Variants in FMN2 observed in about 807,000 individuals in gnomAD.
FMN2 encodes formin 2.
FMN2 carries 51 observed loss-of-function variants against 142.3 expected under a neutral mutation model. That is an observed-to-expected ratio of 0.36 (90% CI 0.29 to 0.45). The LOEUF is 0.45. Among genes scored for constraint, FMN2 ranks in the 20% least tolerant of loss-of-function variants. The pLI, the probability that FMN2 is intolerant of heterozygous loss-of-function variation, is 1.00. For missense variants in FMN2, 1,936 were observed against 2,122.8 expected (o/e 0.91, Z 1.73); for synonymous variants, 882 against 869.8 (o/e 1.01, Z -0.25).
chr1:240,345,167 T>TCTGATGAA (rs1671867739), intron 13 of FMN2, among the ~76,000 whole-genome samples: 1 of 152,208 alleles, frequency 6.6e-6, no homozygotes, highest in Admixed American at 6.5e-5. Context: ...AGCAAGGCTG[T>TCTGATGAA]CTGATGAACT....
intron 2 of FMN2, among the ~76,000 whole-genome samples, chr1:240,130,312 A>G (rs1262391868): frequency 1.3e-5 from 2 of 151,826 alleles, no homozygotes; most frequent in African/African-American, 4.8e-5. Flanking sequence ...TTATTTATTT[A>G]TTTATTTTGA....
At chr1:240,255,402 G>T (rs2124728) in intron 6 of FMN2, among the ~76,000 whole-genome samples, 57,725 of 151,914 alleles carry the variant, frequency 0.38, 11,402 homozygotes, top group East Asian at 0.55. Flanking sequence ...GGTGATGATG[G>T]TGCCCATTTG....
intron 11 of FMN2, among the ~76,000 whole-genome samples, chr1:240,333,444 A>G (rs948850727): frequency 2.0e-5 from 3 of 152,160 alleles, no homozygotes; most frequent in African/African-American, 7.2e-5. Flanking sequence ...TCCCTAATCT[A>G]TATGCTAATG....
intron 8 of FMN2, among the ~76,000 whole-genome samples, chr1:240,301,191 C>T (rs530688022): frequency 6.8e-6 from 1 of 148,016 alleles, no homozygotes; most frequent in South Asian, 2.1e-4. Flanking sequence ...TTAGCTTCAC[C>T]TCTTTGTGTC....
At chr1:240,270,715 T>G (rs1436995850) in intron 7 of FMN2, among the ~76,000 whole-genome samples, 1 of 152,066 alleles carries the variant, frequency 6.6e-6, no homozygotes, top group Non-Finnish European at 1.5e-5. Context: ...GAAGACATTA[T>G]GTTAAGTGAA....
rs1396339123 is a variant in FMN2 at position 240,185,619 on chromosome 1, C to T, written c.1931-2588C>T. Among the ~76,000 whole-genome samples, 3 of 152,144 alleles carry T rather than the reference C, an allele frequency of 2.0e-5. No homozygotes were observed. The South Asian group carries it at 6.2e-4, about 32-fold the overall frequency. On this transcript the variant is annotated intron_variant, in intron 3 of 17. Transcript: ENST00000319653. ...CTGATAAACTGCACTTGTTCTTTAC[C>T]ATCAGAGCCCAGAAGTTTACTTTTT... is the stretch of plus-strand genomic sequence containing the variant.
At chr1:240,332,936 C>A (rs2103017516) in intron 11 of FMN2, among the ~76,000 whole-genome samples, 1 of 152,234 alleles carries the variant, frequency 6.6e-6, no homozygotes, top group Middle Eastern at 3.4e-3. Context: ...AATCATTTTA[C>A]AAGCAAATCC....
At chr1:240,284,498 T>G (rs772947053) in intron 7 of FMN2, among the ~76,000 whole-genome samples, 1 of 152,182 alleles carries the variant, frequency 6.6e-6, no homozygotes. Flanking sequence ...GATGATAGCT[T>G]CTATAAAAGC....
intron 7 of FMN2, among the ~76,000 whole-genome samples, chr1:240,283,460 A>G (rs1669483779): frequency 6.6e-6 from 1 of 152,172 alleles, no homozygotes. Flanking sequence ...TCTGGAGCCA[A>G]TAAGGCAAAT....
At position 240,093,280 on chromosome 1, in the gene FMN2, G is replaced by C. The variant is rs563663341; in HGVS notation, c.1171G>C (p.Ala391Pro). The change falls in exon 1 of 18, where the codon GCC (alanine) becomes CCC (proline). Residue 391 changes from alanine (A) to proline (P), a missense_variant. This residue lies in a region of FMN2 where 751 missense variants were observed against 791.8 expected (regional missense o/e 0.95). Transcript: ENST00000319653. ...GGAGGAGGAGGCGCAAGGACCTGAC[G>C]CCCCCGCGGCCGCTTCCCTGCCCGG... Reference protein sequence around the residue: ...EPEEEAQGPDAPAAASLPGSP... With the variant: ...EPEEEAQGPDPPAAASLPGSP... The C allele has an allele frequency of 4.4e-6, 7 of 1,605,556 alleles. No individual in the cohort carries two copies. The East Asian group carries it at 1.6e-4, about 36-fold the overall frequency.
chr1:240,244,423 A>G (rs1031184348), intron 6 of FMN2, among the ~76,000 whole-genome samples: 2 of 152,212 alleles, frequency 1.3e-5, no homozygotes, highest in South Asian at 2.1e-4. Flanking sequence ...TTAATTAGCT[A>G]ATATTCCATG....
intron 13 of FMN2, among the ~76,000 whole-genome samples, chr1:240,349,075 C>A (rs1672009290): frequency 6.6e-6 from 1 of 152,154 alleles, no homozygotes; most frequent in South Asian, 2.1e-4. Context: ...CCTGACTGTG[C>A]CATATATAGC....
chr1:240,451,252 A>G (rs10802876), intron 16 of FMN2, among the ~76,000 whole-genome samples: 130,147 of 151,330 alleles, frequency 0.86, 56,313 homozygotes, highest in Middle Eastern at 0.94. Context: ...TGTAATCCTC[A>G]TGAGGCTGAG....
intron 6 of FMN2, among the ~76,000 whole-genome samples, chr1:240,237,493 T>A (rs1328636592): frequency 6.6e-6 from 1 of 152,196 alleles, no homozygotes; most frequent in Non-Finnish European, 1.5e-5. Flanking sequence ...ATTTTCAGTA[T>A]CTTTCCCTTC....
At chr1:240,216,906 G>C (rs1458847426) in intron 6 of FMN2, among the ~76,000 whole-genome samples, 1 of 151,596 alleles carries the variant, frequency 6.6e-6, no homozygotes, top group East Asian at 2.0e-4. Context: ...CCGAGATCGC[G>C]CCACTACACT....
At chr1:240,203,618 T>C (rs1420037795) in intron 4 of FMN2, among the ~76,000 whole-genome samples, 3 of 152,012 alleles carry the variant, frequency 2.0e-5, no homozygotes, top group African/African-American at 7.3e-5. Context: ...TGAGAACACA[T>C]AGACACAGGT....
At chr1:240,188,166 G>A (rs1181570387) in intron 3 of FMN2, 41 bp from the exon 4 acceptor site, 1 of 1,587,034 alleles carries the variant, frequency 6.3e-7, no homozygotes, top group Non-Finnish European at 8.6e-7. Context: ...TAGGAAAATT[G>A]TCCTTTAAGA....
intron 11 of FMN2, 36 bp downstream of exon 11, chr1:240,330,785 A>T (rs774858097): frequency 1.3e-6 from 2 of 1,599,392 alleles, no homozygotes; most frequent in South Asian, 2.3e-5. Flanking sequence ...AAGCACATTG[A>T]GGAGTCAAGG....
At chr1:240,325,722 A>C (rs1392706762) in intron 8 of FMN2, among the ~76,000 whole-genome samples, 1 of 152,198 alleles carries the variant, frequency 6.6e-6, no homozygotes, top group Non-Finnish European at 1.5e-5. Flanking sequence ...TCCCTTTTGC[A>C]GTCCATTTAG....
Sources: allele counts gnomAD v4.1 joint callset (sites outside exome capture counted in the v4.1 genomes callset), GRCh38; gene constraint gnomAD v4.1.1; regional missense constraint gnomAD v4.1.1; transcripts MANE v1.5; gene names NCBI Gene and HGNC (gene_info 2026-07-23, HGNC 2026-07-21).